CA10: variants seen among roughly 807,000 people sequenced by gnomAD.
The protein encoded by CA10 is carbonic anhydrase-related protein 10.
CA10 carries 14 observed loss-of-function variants against 44.2 expected under a neutral mutation model. That is an observed-to-expected ratio of 0.32 (90% CI 0.21 to 0.50). The LOEUF (loss-of-function observed/expected upper bound fraction) is 0.50. Among genes scored for constraint, CA10 ranks in the 20% least tolerant of loss-of-function variants. CA10 has a pLI of 0.99. For missense variants in CA10, 350 were observed against 409.7 expected (o/e 0.85, Z 1.26); for synonymous variants, 159 against 141.6 (o/e 1.12, Z -0.87).
At chr17:51,957,063 C>T (rs562759307) in intron 2 of CA10, among the ~76,000 whole-genome samples, 1 of 152,208 alleles carries the variant, frequency 6.6e-6, no homozygotes, top group Non-Finnish European at 1.5e-5. Flanking sequence ...AAATAATAAA[C>T]TCTTTTACAA....
intron 4 of CA10, among the ~76,000 whole-genome samples, chr17:51,687,143 T>C (rs1408902212): frequency 2.0e-5 from 3 of 152,248 alleles, no homozygotes; most frequent in East Asian, 3.8e-4. Flanking sequence ...CTTACCTTTA[T>C]GATCTCATTT....
intron 8 of CA10, among the ~76,000 whole-genome samples, chr17:51,632,692 G>T (rs1173591173): frequency 6.6e-6 from 1 of 152,150 alleles, no homozygotes; most frequent in Non-Finnish European, 1.5e-5. Flanking sequence ...TTAGAACTAG[G>T]CCCAGAACTT....
At chr17:51,856,387 A>G (rs1299856847) in intron 3 of CA10, among the ~76,000 whole-genome samples, 1 of 151,856 alleles carries the variant, frequency 6.6e-6, no homozygotes, top group African/African-American at 2.4e-5. Flanking sequence ...AACAACAACA[A>G]CAACAACTCC....
At chr17:51,820,926 G>C (rs1427344794) in intron 3 of CA10, among the ~76,000 whole-genome samples, 1 of 151,998 alleles carries the variant, frequency 6.6e-6, no homozygotes, top group Non-Finnish European at 1.5e-5. Context: ...AAATCCAGTA[G>C]AAATCTTGAG....
chr17:52,102,503 A>G (rs764574998), intron 1 of CA10, among the ~76,000 whole-genome samples: 1 of 152,246 alleles, frequency 6.6e-6, no homozygotes, highest in South Asian at 2.1e-4. Context: ...ATAAATGCCA[A>G]CATTAAGAAA....
intron 3 of CA10, among the ~76,000 whole-genome samples, chr17:51,789,380 T>TA (rs1406702455): frequency 1.3e-5 from 2 of 152,248 alleles, no homozygotes; most frequent in East Asian, 3.8e-4. Flanking sequence ...TATTTATTTG[T>TA]AATTTATTGT....
intron 4 of CA10, among the ~76,000 whole-genome samples, chr17:51,668,692 C>T (rs1210382199): frequency 6.6e-6 from 1 of 152,186 alleles, no homozygotes; most frequent in East Asian, 1.9e-4. Flanking sequence ...AGCCCTTCAG[C>T]CCGCTGCTGC....
chr17:52,077,072 A>G (rs993081378), intron 1 of CA10, among the ~76,000 whole-genome samples: 7 of 152,184 alleles, frequency 4.6e-5, no homozygotes, highest in Non-Finnish European at 8.8e-5. Flanking sequence ...TTCTTGGTTT[A>G]TTTTTCACTG....
intron 3 of CA10, among the ~76,000 whole-genome samples, chr17:51,792,009 G>A (rs1906537454): frequency 6.6e-6 from 1 of 152,146 alleles, no homozygotes; most frequent in East Asian, 1.9e-4. Flanking sequence ...AGAGAAACAT[G>A]CATGATGGGT....
chr17:52,020,680 G>A (rs1232234710), intron 2 of CA10, among the ~76,000 whole-genome samples: 3 of 151,794 alleles, frequency 2.0e-5, no homozygotes, highest in Non-Finnish European at 2.9e-5. Context: ...TTAGATTCAG[G>A]GGGTACATAA....
intron 3 of CA10, among the ~76,000 whole-genome samples, chr17:51,925,050 CT>C (rs1181428786): frequency 1.3e-5 from 2 of 152,022 alleles, no homozygotes; most frequent in Non-Finnish European, 1.5e-5. Context: ...TTGCTTCTCT[CT>C]CTTTCTCTGT....
rs116119609 is a variant in CA10 at position 51,886,934 on chromosome 17, C to T, written c.279+44056G>A. 8.6e-3 allele frequency among the ~76,000 whole-genome samples: 1,301 copies of T among 151,998 alleles called. 21 individuals are homozygous for T. The highest frequency in any genetic ancestry group is 0.037 in the Middle Eastern group (11 of 294). Reference sequence around the variant, plus strand: ...CCGTGTGCACCCTGCTCCATTCTCACGCCTTACTTATGCCATCAGCTCCCC... The same window carrying T: ...CCGTGTGCACCCTGCTCCATTCTCATGCCTTACTTATGCCATCAGCTCCCC... On this transcript the variant is annotated intron_variant, in intron 3 of 8. Transcript: ENST00000451037.
At chr17:51,669,097 C>T (rs576298249) in intron 4 of CA10, among the ~76,000 whole-genome samples, 27 of 152,332 alleles carry the variant, frequency 1.8e-4, no homozygotes, top group Non-Finnish European at 3.1e-4. Flanking sequence ...TTGTGGTGCC[C>T]GGTCCCATCA....
In CA10 at chr17:51,710,780, C is replaced by A. The variant is rs1047564143; in HGVS notation, c.465+36853G>T. ...AGGTTGCAAGTCCTCCCTGTGCCTGCAGCACAGTCTCTTCCTGGGGCTGGC... is the reference window on the plus strand; with the variant it reads ...AGGTTGCAAGTCCTCCCTGTGCCTGAAGCACAGTCTCTTCCTGGGGCTGGC... On this transcript the variant is annotated intron_variant, in intron 4 of 8. Coordinates refer to ENST00000451037, the MANE Select transcript of CA10 (RefSeq NM_020178.5). Among the ~76,000 whole-genome samples, 3 of 152,092 alleles carry A rather than the reference C, an allele frequency of 2.0e-5. No homozygotes were observed. The South Asian group carries it at 6.2e-4, about 32-fold the overall frequency.
chr17:52,104,824 G>A (rs999194147), intron 1 of CA10, among the ~76,000 whole-genome samples: 7 of 152,162 alleles, frequency 4.6e-5, no homozygotes, highest in African/African-American at 1.2e-4. Context: ...GCTTTCCGTC[G>A]ATTCATCATT....
At chr17:51,856,400 T>C (rs1340861398) in intron 3 of CA10, among the ~76,000 whole-genome samples, 7 of 148,734 alleles carry the variant, frequency 4.7e-5, no homozygotes, top group Non-Finnish European at 1.5e-5. Context: ...ACAACTCCCC[T>C]GGTCTCCAAA....
At chr17:51,696,814 G>A (rs1915418594) in intron 4 of CA10, among the ~76,000 whole-genome samples, 1 of 151,974 alleles carries the variant, frequency 6.6e-6, no homozygotes, top group Non-Finnish European at 1.5e-5. Flanking sequence ...ATGAATTGTT[G>A]GACCTCTTGG....
chr17:51,857,411 G>A (rs1401484705), intron 3 of CA10, among the ~76,000 whole-genome samples: 1 of 152,140 alleles, frequency 6.6e-6, no homozygotes, highest in Non-Finnish European at 1.5e-5. Flanking sequence ...GATTTTGGCA[G>A]CCAAGAGCAT....
At chr17:51,777,754 G>A (rs947514678) in intron 3 of CA10, among the ~76,000 whole-genome samples, 3 of 152,154 alleles carry the variant, frequency 2.0e-5, no homozygotes, top group African/African-American at 7.2e-5. Flanking sequence ...AACATGGCAA[G>A]ATCTTGTCTT....
Sources: allele counts gnomAD v4.1 joint callset (sites outside exome capture counted in the v4.1 genomes callset), GRCh38; gene constraint gnomAD v4.1.1; transcripts MANE v1.5; gene names NCBI Gene and HGNC (gene_info 2026-07-23, HGNC 2026-07-21).